RBFOX1: variants seen among roughly 807,000 people sequenced by gnomAD.
RBFOX1 encodes the protein RNA binding fox-1 homolog 1.
RBFOX1 carries 8 observed loss-of-function variants against 57.7 expected under a neutral mutation model. The ratio of observed to expected loss-of-function variants is 0.14; its 90% CI spans 0.08 to 0.25. The LOEUF (loss-of-function observed/expected upper bound fraction) is 0.25, where lower values mean the gene tolerates loss of function less well. Among genes scored for constraint, RBFOX1 ranks in the 10% least tolerant of loss-of-function variants. RBFOX1 has a pLI of 1.00. For synonymous variants in RBFOX1, 326 were observed against 222.4 expected (o/e 1.47, Z -4.15); for missense variants, 611 against 548.5 (o/e 1.11, Z -1.14).
intron 5 of RBFOX1, among the ~76,000 whole-genome samples, chr16:7,524,371 C>G (rs74654522): frequency 6.6e-6 from 1 of 152,136 alleles, no homozygotes; most frequent in Non-Finnish European, 1.5e-5. Context: ...TCCCTGCAGG[C>G]CTTTTTTTCT....
At chr16:7,065,402 A>G (rs771835602) in intron 4 of RBFOX1, among the ~76,000 whole-genome samples, 1 of 151,974 alleles carries the variant, frequency 6.6e-6, no homozygotes. Flanking sequence ...CATCATCTCC[A>G]AGCACCCTGC....
At chr16:7,005,158 GA>G (rs922706253) in intron 3 of RBFOX1, among the ~76,000 whole-genome samples, 1 of 151,008 alleles carries the variant, frequency 6.6e-6, no homozygotes, top group South Asian at 2.1e-4. Flanking sequence ...AACAAAAAAC[GA>G]AAAAAAACCC....
At chr16:7,326,480 G>GAC (rs2096613672) in intron 4 of RBFOX1, among the ~76,000 whole-genome samples, 1 of 152,112 alleles carries the variant, frequency 6.6e-6, no homozygotes, top group Non-Finnish European at 1.5e-5. Flanking sequence ...AAGACAGACA[G>GAC]AGCTGCCATG....
chr16:7,044,338 A>G (rs1389206769), intron 3 of RBFOX1, among the ~76,000 whole-genome samples: 1 of 152,212 alleles, frequency 6.6e-6, no homozygotes, highest in Non-Finnish European at 1.5e-5. Flanking sequence ...GGAGAGAAAA[A>G]TCAGACTGAA....
chr16:5,654,259 C>G (rs1285743666), intron 3 of RBFOX1, among the ~76,000 whole-genome samples: 2 of 152,108 alleles, frequency 1.3e-5, no homozygotes, highest in Non-Finnish European at 2.9e-5. Context: ...GTTCTTTGGC[C>G]TGTAATATGC....
intron 3 of RBFOX1, among the ~76,000 whole-genome samples, chr16:7,001,468 A>G (rs2092798844): frequency 6.6e-6 from 1 of 151,464 alleles, no homozygotes; most frequent in African/African-American, 2.4e-5. Context: ...ACGTGTATGT[A>G]TATTTTGAGA....
chr16:5,478,067 C>T (rs1258663440), intron 2 of RBFOX1, among the ~76,000 whole-genome samples: 1 of 152,126 alleles, frequency 6.6e-6, no homozygotes. Context: ...AGCTGAAATT[C>T]TGTGTTCCTC....
At chr16:6,001,103 A>G (rs2060591986) in intron 4 of RBFOX1, among the ~76,000 whole-genome samples, 2 of 152,162 alleles carry the variant, frequency 1.3e-5, no homozygotes, top group Non-Finnish European at 2.9e-5. Context: ...TAATTAAAAT[A>G]TCTTAGCCTC....
intron 2 of RBFOX1, among the ~76,000 whole-genome samples, chr16:6,496,714 C>G (rs559807182): frequency 2.0e-5 from 3 of 152,256 alleles, no homozygotes; most frequent in African/African-American, 7.2e-5. Context: ...AATCCCAGCA[C>G]TGTGGGAGGC....
chr16:6,656,011 C>T (rs1229414328), intron 3 of RBFOX1, among the ~76,000 whole-genome samples: 1 of 152,180 alleles, frequency 6.6e-6, no homozygotes, highest in Non-Finnish European at 1.5e-5. Context: ...TGCGTGATCC[C>T]AGCTTGCAGT....
chr16:6,907,634 G>T (rs924967064), intron 3 of RBFOX1, among the ~76,000 whole-genome samples: 2 of 152,052 alleles, frequency 1.3e-5, no homozygotes, highest in East Asian at 3.9e-4. Context: ...GCAGTGGCAC[G>T]ATCTTGGCTC....
intron 2 of RBFOX1, among the ~76,000 whole-genome samples, chr16:5,505,917 C>T (rs1048892568): frequency 6.6e-6 from 1 of 152,150 alleles, no homozygotes; most frequent in Admixed American, 6.5e-5. Flanking sequence ...ACCCTTCCAT[C>T]CCTGCTCAAA....
intron 4 of RBFOX1, among the ~76,000 whole-genome samples, chr16:7,151,260 C>T (rs1293207494): frequency 6.6e-6 from 1 of 152,156 alleles, no homozygotes; most frequent in Non-Finnish European, 1.5e-5. Context: ...ATTTTTCTTG[C>T]CTTCACTTGG....
intron 4 of RBFOX1, among the ~76,000 whole-genome samples, chr16:7,382,753 G>A (rs764890503): frequency 1.1e-4 from 16 of 152,230 alleles, no homozygotes; most frequent in Non-Finnish European, 2.2e-4. Flanking sequence ...TCCAAAGCCA[G>A]CATACATTAA....
At chr16:5,550,719 C>G (rs1348725737) in intron 2 of RBFOX1, among the ~76,000 whole-genome samples, 1 of 152,030 alleles carries the variant, frequency 6.6e-6, no homozygotes, top group African/African-American at 2.4e-5. Context: ...ATTCTGGAGA[C>G]TCAGATAAAT....
chr16:6,771,301 G>A (rs1002179043), intron 3 of RBFOX1, among the ~76,000 whole-genome samples: 9 of 152,104 alleles, frequency 5.9e-5, no homozygotes, highest in African/African-American at 1.7e-4. Context: ...CTTTGTTACG[G>A]CAGCCCTGGC....
At chr16:6,495,328 A>G (rs2095739882) in intron 2 of RBFOX1, among the ~76,000 whole-genome samples, 1 of 152,074 alleles carries the variant, frequency 6.6e-6, no homozygotes, top group African/African-American at 2.4e-5. Flanking sequence ...CATGTTTTCC[A>G]GGCTGGTCTC....
At chr16:6,990,842 A>C (rs1173981639) in intron 3 of RBFOX1, among the ~76,000 whole-genome samples, 2 of 152,138 alleles carry the variant, frequency 1.3e-5, no homozygotes, top group African/African-American at 4.8e-5. Flanking sequence ...ATAACAGAAA[A>C]CCATGCTATG....
At chr16:7,685,946 C>G (rs1031023687) in intron 14 of RBFOX1, among the ~76,000 whole-genome samples, 6 of 152,176 alleles carry the variant, frequency 3.9e-5, no homozygotes, top group Non-Finnish European at 8.8e-5. Flanking sequence ...GGTCCTGAAT[C>G]TCTGTGAGGT....
Sources: allele counts gnomAD v4.1 joint callset (sites outside exome capture counted in the v4.1 genomes callset), GRCh38; gene constraint gnomAD v4.1.1; transcripts MANE v1.5; gene names NCBI Gene and HGNC (gene_info 2026-07-23, HGNC 2026-07-21).